NTM: variants seen among roughly 807,000 people sequenced by gnomAD.
NTM encodes IgLON family member 2.
NTM carries 13 observed loss-of-function variants against 42.1 expected under a neutral mutation model. The ratio of observed to expected loss-of-function variants is 0.31; its 90% CI spans 0.20 to 0.49. NTM has a LOEUF of 0.49. Among genes scored for constraint, NTM ranks in the 20% least tolerant of loss-of-function variants. The pLI is 0.99. For missense variants in NTM, 373 were observed against 452.8 expected (o/e 0.82, Z 1.60); for synonymous variants, 187 against 179.2 (o/e 1.04, Z -0.35).
chr11:131,993,064 C>A (rs2067314913), intron 2 of NTM, among the ~76,000 whole-genome samples: 1 of 152,040 alleles, frequency 6.6e-6, no homozygotes, highest in South Asian at 2.1e-4. Context: ...TATAAAAGTT[C>A]AGTAAGTTAT....
At chr11:132,125,113 C>T (rs889337086) in intron 2 of NTM, among the ~76,000 whole-genome samples, 1 of 152,232 alleles carries the variant, frequency 6.6e-6, no homozygotes, top group African/African-American at 2.4e-5. Flanking sequence ...TCTGTCTACA[C>T]TCAGTCCCAG....
intron 1 of NTM, among the ~76,000 whole-genome samples, chr11:131,614,878 T>A (rs4936143): frequency 1.3e-5 from 2 of 152,152 alleles, no homozygotes; most frequent in Admixed American, 6.5e-5. Flanking sequence ...CCAGCAGCAC[T>A]GGCCCTGCCC....
intron 1 of NTM, among the ~76,000 whole-genome samples, chr11:131,697,759 C>T (rs1210860753): frequency 6.6e-6 from 1 of 152,082 alleles, no homozygotes; most frequent in African/African-American, 2.4e-5. Flanking sequence ...TGCATAGTCC[C>T]TCTTGCGTTA....
rs530262304 is a variant in NTM, at chr11:131,523,900, G to A, written c.82+153012G>A. ...CAGTTTGAAAATAGAGAAATGGGGTGGGTGGGGAGAGTAAGATGCTGAACA... is the reference window on the plus strand; with the variant it reads ...CAGTTTGAAAATAGAGAAATGGGGTAGGTGGGGAGAGTAAGATGCTGAACA... On this transcript the variant is annotated intron_variant, in intron 1 of 8. Transcript: ENST00000683400. Among the ~76,000 whole-genome samples, 100 of 152,274 alleles carry A rather than the reference G, an allele frequency of 6.6e-4. 2 individuals carry two copies. The highest frequency in any genetic ancestry group is 2.8e-4 in the Non-Finnish European group (19 of 68,020).
chr11:132,041,231 TAGAGAGAG>T (rs10598969), intron 2 of NTM, among the ~76,000 whole-genome samples: 60 of 145,560 alleles, frequency 4.1e-4, no homozygotes, highest in East Asian at 1.4e-3. Context: ...GAGAGATAGA[TAGAGAGAG>T]AGAGAGAGAG....
intron 4 of NTM, among the ~76,000 whole-genome samples, chr11:132,287,273 TA>T (rs2094280480): frequency 6.6e-6 from 1 of 152,200 alleles, no homozygotes; most frequent in African/African-American, 2.4e-5. Context: ...ATGATTTTGG[TA>T]AGTGGAGTAT....
intron 1 of NTM, among the ~76,000 whole-genome samples, chr11:131,483,655 C>T (rs1214976843): frequency 6.6e-6 from 1 of 151,358 alleles, no homozygotes; most frequent in South Asian, 2.1e-4. Context: ...GACTTTGAGT[C>T]TTTGTTGGGG....
chr11:131,371,981 C>A (rs1280367286), intron 1 of NTM, among the ~76,000 whole-genome samples: 1 of 152,154 alleles, frequency 6.6e-6, no homozygotes, highest in Non-Finnish European at 1.5e-5. Context: ...CGGTGAAAAA[C>A]GATGGGGAGT....
chr11:132,318,153 G>A (rs931907016), intron 7 of NTM, among the ~76,000 whole-genome samples: 10 of 152,184 alleles, frequency 6.6e-5, no homozygotes, highest in Admixed American at 5.2e-4. Context: ...GATAGGCATG[G>A]CACTGCATGA....
intron 2 of NTM, among the ~76,000 whole-genome samples, chr11:131,992,907 T>A (rs936307740): frequency 6.6e-6 from 1 of 152,096 alleles, no homozygotes; most frequent in African/African-American, 2.4e-5. Context: ...AAGATACCCA[T>A]TATATAAATG....
intron 1 of NTM, among the ~76,000 whole-genome samples, chr11:131,787,130 T>C (rs1323982795): frequency 6.6e-6 from 1 of 152,056 alleles, no homozygotes; most frequent in African/African-American, 2.4e-5. Flanking sequence ...CAAGTTAAAA[T>C]AGTTCTCAAC....
chr11:131,603,971 G>C (rs2060706090), intron 1 of NTM, among the ~76,000 whole-genome samples: 1 of 151,956 alleles, frequency 6.6e-6, no homozygotes, highest in South Asian at 2.1e-4. Context: ...CTTTTTACCT[G>C]TTATAAATAA....
At chr11:131,766,498 G>A (rs2085123921) in intron 1 of NTM, among the ~76,000 whole-genome samples, 1 of 152,106 alleles carries the variant, frequency 6.6e-6, no homozygotes, top group African/African-American at 2.4e-5. Context: ...CGTCAAGGCT[G>A]TCATTATAAA....
At chr11:132,023,139 A>AT (rs927628458) in intron 2 of NTM, among the ~76,000 whole-genome samples, 2 of 152,134 alleles carry the variant, frequency 1.3e-5, no homozygotes, top group Non-Finnish European at 2.9e-5. Context: ...GGGAAGACAC[A>AT]TTTACCATAG....
chr11:131,419,146 C>A (rs940689359), intron 1 of NTM, among the ~76,000 whole-genome samples: 2 of 131,042 alleles, frequency 1.5e-5, no homozygotes, highest in Admixed American at 8.5e-5. Flanking sequence ...GCTAAGTATA[C>A]CTTGGTTAAA....
intron 1 of NTM, among the ~76,000 whole-genome samples, chr11:131,568,874 C>A (rs1565649360): frequency 1.3e-5 from 2 of 152,182 alleles, no homozygotes; most frequent in East Asian, 3.9e-4. Context: ...TACTTAATAG[C>A]TCCCAGATGC....
At chr11:131,661,055 G>A in intron 1 of NTM, 1 of 1,302,866 alleles carries the variant, frequency 7.7e-7, no homozygotes, top group Non-Finnish European at 1.0e-6. Flanking sequence ...ACAGGTAGGT[G>A]CATACTCAAT....
At chr11:132,175,139 C>T (rs1415614579) in intron 3 of NTM, among the ~76,000 whole-genome samples, 2 of 152,104 alleles carry the variant, frequency 1.3e-5, no homozygotes, top group Admixed American at 6.6e-5. Flanking sequence ...TGATTTAGTG[C>T]AGAATGTGTA....
In NTM at chr11:131,500,575, ATATTT is replaced by A. The variant is rs1161164993; in HGVS notation, c.82+129689_82+129693del. ...TATATATATATATATATATATATAT[ATATTT>A]TTTTTTTTTTTTTTTGTATTATACT... is the stretch of plus-strand genomic sequence containing the variant. On this transcript the variant is annotated intron_variant, in intron 1 of 8. Transcript: ENST00000683400. Among the ~76,000 whole-genome samples, 30 of 18,044 alleles carry A rather than the reference ATATTT, an allele frequency of 1.7e-3. 1 individual carries two copies. The highest frequency in any genetic ancestry group is 3.3e-3 in the South Asian group (1 of 300). 11.8% of individuals were successfully genotyped at this position (18,044 alleles called of 152,430 possible).
Sources: allele counts gnomAD v4.1 joint callset (sites outside exome capture counted in the v4.1 genomes callset), GRCh38; gene constraint gnomAD v4.1.1; transcripts MANE v1.5; gene names NCBI Gene and HGNC (gene_info 2026-07-23, HGNC 2026-07-21).